Variants in PLXNB1 observed in about 807,000 individuals in gnomAD.
PLXNB1 encodes the protein plexin B1, also known as plexin-B1.
In PLXNB1, 106 loss-of-function variants were observed where a neutral mutation model predicts 209.4. The observed-to-expected ratio is 0.51, with a 90% confidence interval of 0.43 to 0.59. PLXNB1 has a LOEUF of 0.59. Ranked by LOEUF, PLXNB1 falls within the 20% of genes least tolerant of loss-of-function variation. PLXNB1 has a pLI of 0.00. For synonymous variants in PLXNB1, 1,167 were observed against 1,183.2 expected, an observed-to-expected ratio of 0.99 and a Z score of 0.28; for missense variants, 2,357 against 2,853.2, an observed-to-expected ratio of 0.83 and a Z score of 3.96.
rs760304722 is a variant in PLXNB1 at position 48,405,816 on chromosome 3, T to G, written c.6229-18A>C. On this transcript the variant is annotated intron_variant, in intron 36 of 37. Transcript: ENST00000296440. The surrounding 1 kb of genome is among the most constrained non-coding windows in gnomAD (Gnocchi z 5.0). Reference sequence around the variant, plus strand: ...GAGTAGTTCTAGGGAAGAGGCCAAATGAAAGGTGAGAGAGACGAGGGGTGC... The same window carrying G: ...GAGTAGTTCTAGGGAAGAGGCCAAAGGAAAGGTGAGAGAGACGAGGGGTGC... The G allele has an allele frequency of 1.2e-6, 2 of 1,608,556 alleles. No homozygotes were observed.
Position 48,414,796 on chromosome 3 carries a change from T to C in PLXNB1, c.4209+3A>G, listed in dbSNP as rs2037962618. 1 of 1,612,538 alleles carries C rather than the reference T, an allele frequency of 6.2e-7. No homozygotes were observed. On this transcript the variant is annotated splice_donor_region_variant and intron_variant, in intron 21 of 37. Coordinates refer to ENST00000296440, the MANE Select transcript of PLXNB1 (RefSeq NM_001130082.3). The stretch of plus-strand genomic sequence containing the variant: ...CCCTGCCAGGTCCAAGTAGGAGCTG[T>C]ACCTCCACGGAGAACACACTCCCAG...
Position 48,413,447 on chromosome 3 carries a change from A to C in PLXNB1, c.4535+223T>G. ...ACCTATTTTTATAAAGATTTGTTAG[A>C]ACACAGCCACTTTCATGTGTTTCCA... On this transcript the variant is annotated intron_variant, in intron 23 of 37. Coordinates refer to ENST00000296440, the MANE Select transcript of PLXNB1 (RefSeq NM_001130082.3). The surrounding 1 kb of genome is among the most constrained non-coding windows in gnomAD (Gnocchi z 5.4). 1.7e-6 allele frequency: 1 copy of C among 605,990 alleles called. No individual in the cohort carries two copies. The highest frequency in any genetic ancestry group is 2.8e-5 in the East Asian group (1 of 35,984). 37.5% of individuals were successfully genotyped at this position (605,990 alleles called of 1,614,324 possible).
Position 48,411,405 on chromosome 3 carries a change from G to A in PLXNB1, c.5248-369C>T, listed in dbSNP as rs1173695005. On this transcript the variant is annotated intron_variant, in intron 28 of 37. Coordinates refer to ENST00000296440, the MANE Select transcript of PLXNB1 (RefSeq NM_001130082.3). The surrounding 1 kb of genome is among the most constrained non-coding windows in gnomAD (Gnocchi z 4.0). ...AAATATTCCCACCTATCCGACAGGG[G>A]AGGGGTTCAGCAGGCCTGAATGGGG... is the stretch of plus-strand genomic sequence containing the variant. 6.6e-6 allele frequency among the ~76,000 whole-genome samples: 1 copy of A among 152,228 alleles called. No individual in the cohort carries two copies. The highest frequency in any genetic ancestry group is 2.4e-5 in the African/African-American group (1 of 41,458).
rs766902244 is a variant in PLXNB1, at chr3:48,405,835, G to C, written c.6229-37C>G. On this transcript the variant is annotated intron_variant, in intron 36 of 37. Coordinates refer to ENST00000296440, the MANE Select transcript of PLXNB1 (RefSeq NM_001130082.3). This position sits in a 1 kb window ranked among gnomAD's most constrained non-coding sequence, Gnocchi z 5.0. ...GCCAAATGAAAGGTGAGAGAGACGA[G>C]GGGTGCAGAGAGCCACAGGAGGCAG... 3.8e-6 allele frequency: 6 copies of C among 1,570,090 alleles called. No homozygotes were observed. The highest frequency in any genetic ancestry group is 1.7e-4 in the Middle Eastern group (1 of 5,796).
At position 48,404,253 on chromosome 3, in the gene PLXNB1, AG is replaced by A; in HGVS notation, c.*232del. ...CCAACTCCCTGCAGACCGGTGTCAC[AG>A]GGTCGCTGGACTCGGGGAGCAGGCT... On this transcript the variant is annotated 3_prime_UTR_variant, in exon 38 of 38. Transcript: ENST00000296440. The A allele has an allele frequency of 7.6e-6, 4 of 526,478 alleles. No homozygotes were observed. The highest frequency in any genetic ancestry group is 1.3e-5 in the Non-Finnish European group (4 of 297,418). The allele number at this position is 526,478 out of a possible 1,614,324, so 32.6% of individuals were successfully genotyped here. A position where few individuals can be genotyped will look rare whatever the true frequency, so the allele number is the denominator to read the frequency against.
chr3:48,429,340 G>C lies in PLXNB1; in HGVS notation c.-60+668C>G, dbSNP rs1214870434. The C allele has an allele frequency of 6.6e-6, 1 of 151,288 alleles. No homozygotes were observed. Among genetic ancestry groups the C allele is most frequent in the Admixed American group, 6.6e-5 (1 of 15,190 alleles). The allele number at this position is 151,288 out of a possible 1,614,324, so 9.4% of individuals were successfully genotyped here. A position where few individuals can be genotyped will look rare whatever the true frequency, so the allele number is the denominator to read the frequency against. On this transcript the variant is annotated intron_variant, in intron 1 of 37. Transcript: ENST00000296440. This position sits in a 1 kb window ranked among gnomAD's most constrained non-coding sequence, Gnocchi z 6.4. Reference sequence around the variant, plus strand: ...CTCCGCGCGCAGCGGCCTCTCCCCGGGTCTGGCGGAGCCGCAGCTGTTACC... The same window carrying C: ...CTCCGCGCGCAGCGGCCTCTCCCCGCGTCTGGCGGAGCCGCAGCTGTTACC...
chr3:48,406,492 G>T lies in PLXNB1; in HGVS notation c.6228+331C>A. The T allele has an allele frequency of 3.8e-6, 3 of 792,838 alleles. No individual in the cohort carries two copies. The highest frequency in any genetic ancestry group is 4.6e-6 in the Non-Finnish European group (3 of 654,042). The allele number at this position is 792,838 out of a possible 1,614,324, so 49.1% of individuals were successfully genotyped here. A position where few individuals can be genotyped will look rare whatever the true frequency, so the allele number is the denominator to read the frequency against. On this transcript the variant is annotated intron_variant, in intron 36 of 37. Transcript: ENST00000296440. The surrounding 1 kb of genome is among the most constrained non-coding windows in gnomAD (Gnocchi z 4.4). The stretch of plus-strand genomic sequence containing the variant: ...TGGGAGAGGTGAAGGGGACACCTGT[G>T]CCACCAAGGGAAGCACAGCAGTGGG...
rs545895922 is a variant in PLXNB1, at chr3:48,406,296, T to G, written c.6229-498A>C. On this transcript the variant is annotated intron_variant, in intron 36 of 37. Coordinates refer to ENST00000296440, the MANE Select transcript of PLXNB1 (RefSeq NM_001130082.3). This position sits in a 1 kb window ranked among gnomAD's most constrained non-coding sequence, Gnocchi z 4.4. The stretch of plus-strand genomic sequence containing the variant: ...GACGATGGAATTGGTGTCACCTAGC[T>G]TGTGGAGTTCTTGTGAGGATCAAAT... 6.2e-4 allele frequency among the ~76,000 whole-genome samples: 95 copies of G among 152,358 alleles called. No homozygotes were observed. Among genetic ancestry groups the G allele is most frequent in the South Asian group, 1.2e-3 (6 of 4,834 alleles).
Position 48,409,778 on chromosome 3 carries a change from A to G in PLXNB1, c.5779-47T>C, listed in dbSNP as rs1223032751. 6.3e-7 allele frequency: 1 copy of G among 1,598,298 alleles called. No individual in the cohort carries two copies. Among genetic ancestry groups the G allele is most frequent in the Non-Finnish European group, 8.5e-7 (1 of 1,170,592 alleles). On this transcript the variant is annotated intron_variant, in intron 32 of 37. Transcript: ENST00000296440. This position sits in a 1 kb window ranked among gnomAD's most constrained non-coding sequence, Gnocchi z 5.8. ...GAGGTGTGGTCAGCAAAGGGCCCTC[A>G]GCAGCAGCCCAGCCTCAGACACCCC... is the stretch of plus-strand genomic sequence containing the variant.
In PLXNB1 at chr3:48,410,207, C is replaced by A. The variant is rs1046506460; in HGVS notation, c.5605+89G>T. The A allele has an allele frequency of 2.8e-6, 4 of 1,451,172 alleles. No homozygotes were observed. The highest frequency in any genetic ancestry group is 3.7e-6 in the Non-Finnish European group (4 of 1,069,622). 89.9% of individuals were successfully genotyped at this position (1,451,172 alleles called of 1,614,324 possible). On this transcript the variant is annotated intron_variant, in intron 31 of 37. Transcript: ENST00000296440. The surrounding 1 kb of genome is among the most constrained non-coding windows in gnomAD (Gnocchi z 6.4). ...TTCCTGGGCCGAATGGAAATAGGCA[C>A]AAGCCTGCCCTGAGGCCCAGAGGAC...
In PLXNB1 at chr3:48,419,003, C is replaced by T; in HGVS notation, c.2869G>A (p.Glu957Lys). The T allele has an allele frequency of 6.2e-7, 1 of 1,614,082 alleles. No individual in the cohort carries two copies. Among genetic ancestry groups the T allele is most frequent in the Non-Finnish European group, 8.5e-7 (1 of 1,179,998 alleles). ...PGDNECVMEL[E>K]GLEVVVEARV... ...GCCTCAACCACCACCTCGAGGCCCT[C>T]CAGCTCCATCACACACTCATTGTCT... Residue 957 changes from glutamate to lysine, a missense_variant, in exon 13 of 38, where the codon GAG becomes AAG. Coordinates refer to ENST00000296440, the MANE Select transcript of PLXNB1 (RefSeq NM_001130082.3). This position sits in a 1 kb window ranked among gnomAD's most constrained non-coding sequence, Gnocchi z 5.7.
Position 48,410,952 on chromosome 3 carries a change from A to T in PLXNB1, c.5332T>A (p.Ser1778Thr). 1 of 1,613,940 alleles carries T rather than the reference A, an allele frequency of 6.2e-7. No individual in the cohort carries two copies. Among genetic ancestry groups the T allele is most frequent in the Non-Finnish European group, 8.5e-7 (1 of 1,179,980 alleles). The change falls in exon 29 of 38, where the codon TCC (serine) becomes ACC (threonine). Residue 1778 changes from serine (S) to threonine (T), a missense_variant. Transcript: ENST00000296440. This position sits in a 1 kb window ranked among gnomAD's most constrained non-coding sequence, Gnocchi z 6.4. ...TCCAGCATCTTCTCCTTTGCCTGGG[A>T]GATGGTGTCACAGTCTAGGACCTTC... ...PVKVLDCDTI[S>T]QAKEKMLDQL...
At position 48,418,430 on chromosome 3, in the gene PLXNB1, C is replaced by T. The variant is rs776342295; in HGVS notation, c.3049+19G>A. On this transcript the variant is annotated intron_variant, in intron 14 of 37. Transcript: ENST00000296440. This position sits in a 1 kb window ranked among gnomAD's most constrained non-coding sequence, Gnocchi z 6.6. ...AGCCCTGCTACCACCGCCAGCCCAG[C>T]AGCCCGCAGGTGGCTCACCATGCAG... 1.2e-5 allele frequency: 19 copies of T among 1,613,128 alleles called. No homozygotes were observed. In the South Asian group the frequency reaches 2.0e-4, roughly 17 times the overall value.
rs1431214293 is a variant in PLXNB1, at chr3:48,409,538, C to A, written c.5939+33G>T. Reference sequence around the variant, plus strand: ...GGGAGGCAGAAGAGAAGACCCCCCACACACACCTAGAGCCCACCCAGCTCC... The same window carrying A: ...GGGAGGCAGAAGAGAAGACCCCCCAAACACACCTAGAGCCCACCCAGCTCC... On this transcript the variant is annotated intron_variant, in intron 33 of 37. Transcript: ENST00000296440. The surrounding 1 kb of genome is among the most constrained non-coding windows in gnomAD (Gnocchi z 5.8). The A allele has an allele frequency of 6.2e-7, 1 of 1,613,938 alleles. No individual in the cohort carries two copies.
intron 21 of PLXNB1, among the ~76,000 whole-genome samples, chr3:48,414,376 G>T (rs1275649536): frequency 6.6e-6 from 1 of 152,190 alleles, no homozygotes; most frequent in Non-Finnish European, 1.5e-5. Flanking sequence ...CACCAGGGGG[G>T]TGATGATGCT....
chr3:48,405,593 G>A lies in PLXNB1; in HGVS notation c.6303+131C>T. 1.5e-6 allele frequency: 1 copy of A among 683,030 alleles called. No individual in the cohort carries two copies. 42.3% of individuals were successfully genotyped at this position (683,030 alleles called of 1,614,324 possible). A position where few individuals can be genotyped will look rare whatever the true frequency, so the allele number is the denominator to read the frequency against. ...GGAAAACACTTCTCAAGCCACCAAG[G>A]GGCCCGGCCCCCCACTACTCTGTCC... On this transcript the variant is annotated intron_variant, in intron 37 of 37. Transcript: ENST00000296440. The surrounding 1 kb of genome is among the most constrained non-coding windows in gnomAD (Gnocchi z 5.0).
Position 48,424,458 on chromosome 3 carries a change from T to C in PLXNB1, c.154A>G (p.Thr52Ala). The C allele has an allele frequency of 6.3e-7, 1 of 1,595,568 alleles. No homozygotes were observed. Among genetic ancestry groups the C allele is most frequent in the African/African-American group, 1.3e-5 (1 of 74,566 alleles). Residue 52 changes from threonine (T) to alanine (A), a missense_variant, in exon 3 of 38, where the codon ACC becomes GCC. Transcript: ENST00000296440. ...GGGCTCAGCTGGAACAGGAAGTTGG[T>C]AGCCCCCAGGTAGAGGGTGCCTGAG... is the stretch of plus-strand genomic sequence containing the variant. ...PTSGTLYLGA[T>A]NFLFQLSPGL...
At chr3:48,421,500 C>T in intron 7 of PLXNB1, 116 bp from the exon 8 acceptor site, 1 of 1,273,200 alleles carries the variant, frequency 7.9e-7, no homozygotes, top group Non-Finnish European at 1.1e-6. Context: ...CAGGCCTCCC[C>T]AAACACCCTC....
rs1219732900 is a variant in PLXNB1, at chr3:48,423,969, T to C, written c.643A>G (p.Ser215Gly). The C allele has an allele frequency of 1.9e-6, 3 of 1,613,772 alleles. No individual in the cohort carries two copies. The highest frequency in any genetic ancestry group is 1.3e-5 in the African/African-American group (1 of 74,944). Residue 215 changes from serine to glycine, a missense_variant, in exon 3 of 38, where the codon AGC (serine) becomes GGC (glycine). Around this residue, in one of 7 missense-constraint regions of PLXNB1, gnomAD observed 404 missense variants for 443.6 expected, o/e 0.91. Coordinates refer to ENST00000296440, the MANE Select transcript of PLXNB1 (RefSeq NM_001130082.3). ...GCAAAGGCACTCACGAAGTGGTGGC[T>C]GTACTCGGAGAGGCGGCCCACTGCC... ...KLAVGRLSEY[S>G]HHFVSAFARG...
Sources: allele counts gnomAD v4.1 joint callset (sites outside exome capture counted in the v4.1 genomes callset), GRCh38; gene constraint gnomAD v4.1.1; regional missense constraint gnomAD v4.1.1; non-coding constraint Gnocchi (gnomAD v3.1); transcripts MANE v1.5; gene names NCBI Gene and HGNC (gene_info 2026-07-23, HGNC 2026-07-21).